The following AMMECR1 variants were observed in gnomAD, a reference collection of about 807,000 sequenced individuals.
The protein encoded by AMMECR1 is AMMECR nuclear protein 1.
AMMECR1 carries 3 observed loss-of-function variants against 22.5 expected under a neutral mutation model. The ratio of observed to expected loss-of-function variants is 0.13; its 90% CI spans 0.06 to 0.35. The LOEUF (loss-of-function observed/expected upper bound fraction) is 0.35. Among genes scored for constraint, AMMECR1 ranks in the 10% least tolerant of loss-of-function variants. The pLI is 1.00. For synonymous variants in AMMECR1, 130 were observed against 116.7 expected, an observed-to-expected ratio of 1.11 and a Z score of -0.74; for missense variants, 235 against 278.7, an observed-to-expected ratio of 0.84 and a Z score of 1.12.
At chrX:110,266,314 C>A (rs1374586594) in intron 1 of AMMECR1, among the ~76,000 whole-genome samples, 1 of 111,571 alleles carries the variant, frequency 9.0e-6, no homozygotes, top group Non-Finnish European at 1.9e-5. Context: ...TAAACCTTAT[C>A]TTTAAGGATG....
intron 2 of AMMECR1, among the ~76,000 whole-genome samples, chrX:110,377,304 G>C (rs1029908952): frequency 9.0e-6 from 1 of 111,265 alleles, no homozygotes; most frequent in Non-Finnish European, 1.9e-5. Flanking sequence ...CTATTTGTCC[G>C]CAAACCCCAC....
chrX:110,218,851 T>G (rs1352051044), intron 2 of AMMECR1, among the ~76,000 whole-genome samples: 1 of 111,615 alleles, frequency 9.0e-6, no homozygotes, highest in Non-Finnish European at 1.9e-5. Flanking sequence ...TTTGTTTCTA[T>G]GGATTTGCCT....
At chrX:110,367,791 T>C (rs1250177339) in intron 2 of AMMECR1, among the ~76,000 whole-genome samples, 1 of 109,980 alleles carries the variant, frequency 9.1e-6, no homozygotes, top group Non-Finnish European at 1.9e-5. Flanking sequence ...CTATCAGCAA[T>C]ACTTTCAGCT....
At chrX:110,386,527 A>G (rs2068456321) in intron 2 of AMMECR1, among the ~76,000 whole-genome samples, 1 of 110,812 alleles carries the variant, frequency 9.0e-6, no homozygotes, top group Non-Finnish European at 1.9e-5. Context: ...CCATTTTTAA[A>G]TTGGGTTGTC....
intron 3 of AMMECR1, among the ~76,000 whole-genome samples, chrX:110,209,452 T>A (rs1364992601): frequency 8.9e-6 from 1 of 112,323 alleles, no homozygotes; most frequent in Non-Finnish European, 1.9e-5. Flanking sequence ...GATGATACAG[T>A]AATTAAATGG....
intron 2 of AMMECR1, among the ~76,000 whole-genome samples, chrX:110,359,125 T>C (rs1353113507): frequency 9.0e-6 from 1 of 111,220 alleles, no homozygotes; most frequent in Non-Finnish European, 1.9e-5. Context: ...CAAGGTCACA[T>C]AGCTGGTTAA....
At chrX:110,350,262 A>T (rs1315499949) in intron 2 of AMMECR1, among the ~76,000 whole-genome samples, 1 of 111,736 alleles carries the variant, frequency 8.9e-6, no homozygotes, top group Non-Finnish European at 1.9e-5. Flanking sequence ...ATCTTTGGTG[A>T]GGGGCTTCTA....
intron 1 of AMMECR1, among the ~76,000 whole-genome samples, chrX:110,286,499 G>A (rs1028228146): frequency 4.6e-5 from 5 of 108,351 alleles, no homozygotes; most frequent in Non-Finnish European, 7.7e-5. Flanking sequence ...GCAAAAACCC[G>A]TCTCTACAAA....
intron 1 of AMMECR1, among the ~76,000 whole-genome samples, chrX:110,302,400 C>A (rs1244237272): frequency 9.0e-6 from 1 of 111,219 alleles, no homozygotes; most frequent in East Asian, 2.8e-4. Context: ...TCTACCATCT[C>A]CCAAAAATGG....
intron 1 of AMMECR1, among the ~76,000 whole-genome samples, chrX:110,432,975 G>A (rs2068808967): frequency 8.9e-6 from 1 of 112,797 alleles, no homozygotes; most frequent in Non-Finnish European, 1.9e-5. Flanking sequence ...CAGACAGTCA[G>A]TGGCAGACTT....
chrX:110,432,426 G>A (rs1007205493), intron 1 of AMMECR1, among the ~76,000 whole-genome samples: 1 of 112,171 alleles, frequency 8.9e-6, no homozygotes, highest in Non-Finnish European at 1.9e-5. Context: ...TGGTAGTGGT[G>A]GGGAGGGTTG....
intron 1 of AMMECR1, among the ~76,000 whole-genome samples, chrX:110,277,969 C>T (rs1354155776): frequency 1.8e-5 from 2 of 112,006 alleles, no homozygotes; most frequent in Non-Finnish European, 3.8e-5. Context: ...CATTAATAGT[C>T]ATGCATTATG....
At chrX:110,238,918 G>A (rs1047797865) in intron 2 of AMMECR1, among the ~76,000 whole-genome samples, 3 of 111,956 alleles carry the variant, frequency 2.7e-5, no homozygotes, top group African/African-American at 9.8e-5. Context: ...GGTCTGGAGT[G>A]GACCTCCAGC....
chrX:110,274,227 T>C (rs916835866), intron 1 of AMMECR1, among the ~76,000 whole-genome samples: 1 of 112,094 alleles, frequency 8.9e-6, no homozygotes, highest in African/African-American at 3.2e-5. Flanking sequence ...ATTCTGGTAA[T>C]GTTAGGTCCA....
At chrX:110,403,528 G>A (rs2068578894) in intron 2 of AMMECR1, among the ~76,000 whole-genome samples, 1 of 110,818 alleles carries the variant, frequency 9.0e-6, no homozygotes, top group Non-Finnish European at 1.9e-5. Flanking sequence ...ATGATACCAG[G>A]GCAGCAGAAT....
chrX:110,246,784 G>A (rs2067660487), intron 2 of AMMECR1, among the ~76,000 whole-genome samples: 1 of 112,392 alleles, frequency 8.9e-6, no homozygotes, highest in South Asian at 3.7e-4. Flanking sequence ...AGTCCTTTGG[G>A]AAATAGAAGA....
intron 2 of AMMECR1, among the ~76,000 whole-genome samples, chrX:110,350,845 A>G (rs962064254): frequency 9.1e-6 from 1 of 109,825 alleles, no homozygotes; most frequent in Non-Finnish European, 1.9e-5. Flanking sequence ...GGTGGCACGC[A>G]CCCTGTGATC....
chrX:110,355,511 C>T (rs1602922083), intron 2 of AMMECR1, among the ~76,000 whole-genome samples: 1 of 112,207 alleles, frequency 8.9e-6, no homozygotes, highest in East Asian at 2.8e-4. Context: ...CTATACTCAT[C>T]AGGGAAATGC....
intron 2 of AMMECR1, among the ~76,000 whole-genome samples, chrX:110,397,569 T>C (rs899980370): frequency 2.7e-5 from 3 of 110,753 alleles, no homozygotes; most frequent in African/African-American, 9.9e-5. Context: ...CACAGTAACC[T>C]GGTCAGCAGT....
Sources: gnomAD v4.1 joint callset for allele counts (sites outside exome capture counted in the v4.1 genomes callset) on GRCh38, gnomAD v4.1.1 for gene constraint, MANE v1.5 for transcripts, NCBI Gene and HGNC (gene_info 2026-07-23, HGNC 2026-07-21) for gene names.